Variants in PHACTR3 observed in about 807,000 individuals in gnomAD.
The protein encoded by PHACTR3 is protein phosphatase 1, regulatory subunit 123.
Under a neutral mutation model 66.8 loss-of-function variants are expected in PHACTR3, and 16 were observed. That is an observed-to-expected ratio of 0.24 (90% confidence interval 0.16 to 0.36). The LOEUF is 0.36. Ranked by LOEUF, PHACTR3 falls within the 10% of genes least tolerant of loss-of-function variation. The probability of loss-of-function intolerance (pLI) is 1.00; values close to 1 mark genes in which losing one functional copy is unlikely to be tolerated. For missense variants in PHACTR3, 647 were observed against 719.9 expected (o/e 0.90, Z 1.16); for synonymous variants, 323 against 292.1 (o/e 1.11, Z -1.08).
chr20:59,656,403 CTCTATA>C (rs3042680), intron 1 of PHACTR3, among the ~76,000 whole-genome samples: 11,203 of 151,888 alleles, frequency 0.074, 580 homozygotes, highest in East Asian at 0.28. Context: ...ACCATCATCT[CTCTATA>C]TCTATATCTC....
chr20:59,781,170 C>T (rs1490884333), intron 7 of PHACTR3, among the ~76,000 whole-genome samples: 3 of 152,214 alleles, frequency 2.0e-5, no homozygotes, highest in East Asian at 1.9e-4. Flanking sequence ...GTTCTCCATC[C>T]AGACATGCAG....
At chr20:59,681,669 T>C (rs960748071) in intron 1 of PHACTR3, among the ~76,000 whole-genome samples, 1 of 152,208 alleles carries the variant, frequency 6.6e-6, no homozygotes, top group African/African-American at 2.4e-5. Context: ...CAGCTCAGAT[T>C]TACAAAGATC....
intron 1 of PHACTR3, among the ~76,000 whole-genome samples, chr20:59,663,854 T>C (rs2035899681): frequency 6.6e-6 from 1 of 152,248 alleles, no homozygotes; most frequent in Non-Finnish European, 1.5e-5. Flanking sequence ...TTGCACGTGC[T>C]TGGCAAAGAA....
intron 8 of PHACTR3, among the ~76,000 whole-genome samples, chr20:59,827,430 G>T (rs1600727151): frequency 6.6e-6 from 1 of 152,330 alleles, no homozygotes; most frequent in East Asian, 1.9e-4. Context: ...TTGGCTTAGG[G>T]TGGGCCACAG....
At chr20:59,814,017 C>T (rs187350600) in intron 8 of PHACTR3, among the ~76,000 whole-genome samples, 30 of 152,330 alleles carry the variant, frequency 2.0e-4, no homozygotes, top group African/African-American at 6.0e-4. Flanking sequence ...ACTGGCGTGG[C>T]GGGGCCCTGC....
intron 1 of PHACTR3, among the ~76,000 whole-genome samples, chr20:59,639,608 G>A (rs573091864): frequency 7.9e-5 from 12 of 152,240 alleles, no homozygotes; most frequent in African/African-American, 2.9e-4. Context: ...AAAGATTATT[G>A]GTATTGAGTC....
intron 1 of PHACTR3, among the ~76,000 whole-genome samples, chr20:59,712,982 A>G (rs2037959699): frequency 6.6e-6 from 1 of 152,192 alleles, no homozygotes; most frequent in Non-Finnish European, 1.5e-5. Context: ...TCTATTTTCA[A>G]CCCAAAACAT....
Position 59,642,827 on chromosome 20 carries a change from A to T in PHACTR3, c.118+37695A>T, listed in dbSNP as rs557021710. Among the ~76,000 whole-genome samples, 4 of 152,332 alleles carry T rather than the reference A, an allele frequency of 2.6e-5. No individual in the cohort carries two copies. The South Asian group carries it at 6.2e-4, about 24-fold the overall frequency. On this transcript the variant is annotated intron_variant, in intron 1 of 12. Coordinates refer to ENST00000371015, the MANE Select transcript of PHACTR3 (RefSeq NM_080672.5). ...ATGACAGCAACTTGCTGTCCTGCCA[A>T]CATTGGGGCGTTTGCCTACAGAAAG...
intron 1 of PHACTR3, among the ~76,000 whole-genome samples, chr20:59,659,909 G>T (rs1031943383): frequency 6.6e-6 from 1 of 152,148 alleles, no homozygotes. Flanking sequence ...AGTCCCACTG[G>T]AGTGCTCCCT....
At chr20:59,704,660 A>C (rs1182559511) in intron 1 of PHACTR3, among the ~76,000 whole-genome samples, 1 of 88,226 alleles carries the variant, frequency 1.1e-5, no homozygotes, top group Non-Finnish European at 2.3e-5. Context: ...TGGACTTTTT[A>C]TTTTATTTGT....
intron 1 of PHACTR3, among the ~76,000 whole-genome samples, chr20:59,707,644 T>C (rs1601152753): frequency 6.6e-6 from 1 of 152,014 alleles, no homozygotes; most frequent in East Asian, 1.9e-4. Context: ...TTTGTATTTT[T>C]AGTAGAGACA....
intron 3 of PHACTR3, among the ~76,000 whole-genome samples, chr20:59,751,705 A>C (rs1015921311): frequency 6.6e-6 from 1 of 152,046 alleles, no homozygotes; most frequent in Admixed American, 6.5e-5. Context: ...CTGTGACTCT[A>C]GTCGCCAGCT....
At chr20:59,643,061 G>A (rs1379218170) in intron 1 of PHACTR3, among the ~76,000 whole-genome samples, 3 of 152,074 alleles carry the variant, frequency 2.0e-5, no homozygotes, top group South Asian at 2.1e-4. Flanking sequence ...ACAGGTGCCC[G>A]CCACCATGCC....
chr20:59,773,492 A>G, intron 6 of PHACTR3, 39 bp downstream of exon 6: 1 of 1,547,738 alleles, frequency 6.5e-7, no homozygotes, highest in Non-Finnish European at 8.7e-7. Context: ...GTGCTGCCAG[A>G]ATCCCTGCCT....
chr20:59,677,927 C>T (rs760140637), intron 1 of PHACTR3, among the ~76,000 whole-genome samples: 9 of 152,326 alleles, frequency 5.9e-5, no homozygotes, highest in East Asian at 1.9e-4. Flanking sequence ...GCCACCATTT[C>T]GGTTGTCACC....
At chr20:59,772,142 C>T (rs2040382339) in intron 5 of PHACTR3, among the ~76,000 whole-genome samples, 1 of 152,150 alleles carries the variant, frequency 6.6e-6, no homozygotes, top group Non-Finnish European at 1.5e-5. Flanking sequence ...AGATCAAGAC[C>T]AGAGGCCAAA....
At chr20:59,838,361 A>C (rs1199427027) in intron 9 of PHACTR3, among the ~76,000 whole-genome samples, 2 of 152,208 alleles carry the variant, frequency 1.3e-5, no homozygotes, top group African/African-American at 4.8e-5. Flanking sequence ...AATTCTTAGA[A>C]TATCACTTTT....
intron 1 of PHACTR3, among the ~76,000 whole-genome samples, chr20:59,723,361 A>G (rs948172541): frequency 6.6e-6 from 1 of 151,914 alleles, no homozygotes; most frequent in African/African-American, 2.4e-5. Flanking sequence ...TACAAATAGG[A>G]TCGTACAGTG....
chr20:59,830,970 T>C lies in PHACTR3; in HGVS notation c.1329-5535T>C, dbSNP rs547510367. On this transcript the variant is annotated intron_variant, in intron 8 of 12. Transcript: ENST00000371015. The surrounding 1 kb of genome is among the most constrained non-coding windows in gnomAD (Gnocchi z 5.8). ...ACTCCTGGAGCCTCTCCAGGCGTCC[T>C]GACTGTCCAGGCTGTCGGCGGTCTC... 1.1e-4 allele frequency among the ~76,000 whole-genome samples: 16 copies of C among 152,204 alleles called. No homozygotes were observed. Among genetic ancestry groups the C allele is most frequent in the Admixed American group, 3.9e-4 (6 of 15,308 alleles).
Sources: allele counts gnomAD v4.1 joint callset (sites outside exome capture counted in the v4.1 genomes callset), GRCh38; gene constraint gnomAD v4.1.1; non-coding constraint Gnocchi (gnomAD v3.1); transcripts MANE v1.5; gene names NCBI Gene and HGNC (gene_info 2026-07-23, HGNC 2026-07-21).